The following ADAM32 variants were observed in gnomAD, a reference collection of about 807,000 sequenced individuals.
The protein encoded by ADAM32 is ADAM metallopeptidase domain 32.
In ADAM32, 89 loss-of-function variants were observed where a neutral mutation model predicts 114.9. The ratio of observed to expected loss-of-function variants is 0.77; its 90% CI spans 0.65 to 0.92. The LOEUF (loss-of-function observed/expected upper bound fraction) is 0.92, where lower values mean the gene tolerates loss of function less well. Ranked by LOEUF, ADAM32 falls within the 40% of genes least tolerant of loss-of-function variation. The pLI is 0.00. For missense variants in ADAM32, 870 were observed against 932.8 expected, an observed-to-expected ratio of 0.93 and a Z score of 0.88; for synonymous variants, 285 against 307.5, an observed-to-expected ratio of 0.93 and a Z score of 0.77.
intron 2 of ADAM32, among the ~76,000 whole-genome samples, chr8:39,119,917 C>T (rs1030762188): frequency 1.7e-4 from 26 of 151,992 alleles, no homozygotes; most frequent in Non-Finnish European, 1.0e-4. Context: ...TATGCTGTCA[C>T]AAGGGTAGGG....
intron 24 of ADAM32, among the ~76,000 whole-genome samples, 188 bp from the exon 25 acceptor site, chr8:39,284,605 A>T (rs533368502): frequency 6.6e-6 from 1 of 152,318 alleles, no homozygotes; most frequent in South Asian, 2.1e-4. Context: ...GAAATCAAAG[A>T]AAAGCATAAA....
intron 7 of ADAM32, among the ~76,000 whole-genome samples, chr8:39,161,434 C>T (rs1804502613): frequency 6.6e-6 from 1 of 152,276 alleles, no homozygotes; most frequent in Non-Finnish European, 1.5e-5. Flanking sequence ...GGCACCCATT[C>T]TAGTCCATTG....
At chr8:39,222,357 G>A (rs1281640357) in intron 13 of ADAM32, among the ~76,000 whole-genome samples, 2 of 151,932 alleles carry the variant, frequency 1.3e-5, no homozygotes, top group Admixed American at 6.6e-5. Context: ...GCAGTTTTAT[G>A]TATTCTTTCC....
chr8:39,168,992 G>A (rs1023501623), intron 9 of ADAM32: 11 of 152,156 alleles, frequency 7.2e-5, no homozygotes, highest in African/African-American at 2.4e-4. Flanking sequence ...ACCAATGTTT[G>A]GCATTAGGAA....
chr8:39,152,922 G>GT (rs2129445633), intron 6 of ADAM32, among the ~76,000 whole-genome samples: 1 of 152,212 alleles, frequency 6.6e-6, no homozygotes, highest in South Asian at 2.1e-4. Flanking sequence ...AAAAGGAGGG[G>GT]TTTTATCTTC....
chr8:39,279,465 G>A (rs1813290765), intron 22 of ADAM32, among the ~76,000 whole-genome samples: 1 of 152,134 alleles, frequency 6.6e-6, no homozygotes, highest in Admixed American at 6.5e-5. Context: ...TGTAGTTTTA[G>A]TAGAGACGGG....
intron 4 of ADAM32, among the ~76,000 whole-genome samples, chr8:39,149,442 A>G (rs1475978639): frequency 2.6e-5 from 4 of 152,196 alleles, no homozygotes; most frequent in Admixed American, 1.3e-4. Context: ...CTTTTTTAGC[A>G]TCATATTAAT....
At chr8:39,212,454 C>A (rs1421645636) in intron 12 of ADAM32, among the ~76,000 whole-genome samples, 15 of 152,076 alleles carry the variant, frequency 9.9e-5, no homozygotes, top group Admixed American at 9.8e-4. Context: ...TTTTCATCAT[C>A]CCCAAAAGCT....
chr8:39,224,598 CT>C (rs531491616), intron 14 of ADAM32, among the ~76,000 whole-genome samples: 12 of 150,244 alleles, frequency 8.0e-5, no homozygotes, highest in East Asian at 3.9e-4. Context: ...TTTGATTGGG[CT>C]TTTTTTTTGC....
intron 1 of ADAM32, among the ~76,000 whole-genome samples, chr8:39,114,139 A>C (rs1840279332): frequency 6.6e-6 from 1 of 152,212 alleles, no homozygotes; most frequent in South Asian, 2.1e-4. Context: ...GATCTATATA[A>C]GTCCCTATTC....
At chr8:39,226,981 T>C (rs1809417559) in intron 14 of ADAM32, among the ~76,000 whole-genome samples, 1 of 152,174 alleles carries the variant, frequency 6.6e-6, no homozygotes, top group Admixed American at 6.5e-5. Flanking sequence ...TAAAAACTTA[T>C]AAATTGAGAT....
At chr8:39,211,923 T>G (rs544648279) in intron 12 of ADAM32, among the ~76,000 whole-genome samples, 126 of 152,330 alleles carry the variant, frequency 8.3e-4, no homozygotes, top group African/African-American at 3.0e-3. Flanking sequence ...CTGAATTACT[T>G]GAACCATATC....
chr8:39,253,037 T>A (rs994149865), intron 17 of ADAM32, among the ~76,000 whole-genome samples: 1 of 151,614 alleles, frequency 6.6e-6, no homozygotes, highest in Non-Finnish European at 1.5e-5. Context: ...CAAACATGCA[T>A]GCAAAAATTT....
chr8:39,124,219 T>C (rs1239879169), intron 2 of ADAM32, among the ~76,000 whole-genome samples: 1 of 152,032 alleles, frequency 6.6e-6, no homozygotes, highest in African/African-American at 2.4e-5. Context: ...TTTTCCCCAC[T>C]ATGCGTCCAT....
rs371450412 is a variant in ADAM32, at chr8:39,261,813, A to AT, written c.2162+4476dup. Among the ~76,000 whole-genome samples the AT allele has an allele frequency of 7.3e-3, 1,103 of 151,920 alleles. 9 individuals carry two copies. The highest frequency in any genetic ancestry group is 0.025 in the African/African-American group (1,049 of 41,456). ...TCTATGATTATTAGTGATGTTGAAC[A>AT]TTTTTTCTCATATTTGTTGGCCATT... On this transcript the variant is annotated intron_variant, in intron 19 of 24. Coordinates refer to ENST00000379907, the MANE Select transcript of ADAM32 (RefSeq NM_145004.7).
At chr8:39,108,625 C>G (rs1840026089) in intron 1 of ADAM32, among the ~76,000 whole-genome samples, 1 of 152,068 alleles carries the variant, frequency 6.6e-6, no homozygotes, top group Admixed American at 6.6e-5. Flanking sequence ...CTCTGGCTGA[C>G]AAGATTCAGA....
intron 12 of ADAM32, among the ~76,000 whole-genome samples, chr8:39,211,961 A>G (rs1351746203): frequency 6.6e-6 from 1 of 152,058 alleles, no homozygotes; most frequent in Non-Finnish European, 1.5e-5. Flanking sequence ...GTGTTTTTGT[A>G]TTATGTTTAA....
chr8:39,238,914 T>C (rs1044849627), intron 16 of ADAM32, among the ~76,000 whole-genome samples: 1 of 151,856 alleles, frequency 6.6e-6, no homozygotes, highest in African/African-American at 2.4e-5. Context: ...TCCATGAAGT[T>C]TGGGATTATG....
intron 10 of ADAM32, among the ~76,000 whole-genome samples, chr8:39,185,399 T>C (rs1262828549): frequency 6.6e-6 from 1 of 151,808 alleles, no homozygotes; most frequent in African/African-American, 2.4e-5. Flanking sequence ...TTTTTGACGA[T>C]ATTGGTGTGT....
Sources: allele counts gnomAD v4.1 joint callset (sites outside exome capture counted in the v4.1 genomes callset), GRCh38; gene constraint gnomAD v4.1.1; transcripts MANE v1.5; gene names NCBI Gene and HGNC (gene_info 2026-07-23, HGNC 2026-07-21).